GFRA2: variants seen among roughly 807,000 people sequenced by gnomAD.
The protein encoded by GFRA2 is GDNF family receptor alpha 2, also known as GDNF family receptor alpha-2.
A neutral mutation model predicts 48.3 loss-of-function variants in GFRA2; 17 were observed. The observed-to-expected ratio is 0.35, with a 90% CI of 0.24 to 0.53. The LOEUF (loss-of-function observed/expected upper bound fraction) is 0.53, where lower values mean the gene tolerates loss of function less well. GFRA2 is among the 20% of genes least tolerant of loss of function. The pLI is 0.93. For synonymous variants in GFRA2, 305 were observed against 257.2 expected (o/e 1.19, Z -1.78); for missense variants, 660 against 637.3 (o/e 1.04, Z -0.38).
upstream of GFRA2, among the ~76,000 whole-genome samples, chr8:21,793,286 T>A (rs1807609998): frequency 6.6e-6 from 1 of 152,124 alleles, no homozygotes; most frequent in Admixed American, 6.5e-5. Context: ...ATCTGATGAC[T>A]GTGTGAGGGA....
intron 3 of GFRA2, among the ~76,000 whole-genome samples, chr8:21,761,747 C>T (rs1268476534): frequency 6.6e-6 from 1 of 152,050 alleles, no homozygotes; most frequent in South Asian, 2.1e-4. Flanking sequence ...GCCAGGAGTT[C>T]GAGACCAGCC....
intron 4 of GFRA2, among the ~76,000 whole-genome samples, chr8:21,737,817 C>T (rs1338230815): frequency 6.6e-6 from 1 of 152,180 alleles, no homozygotes; most frequent in Non-Finnish European, 1.5e-5. Flanking sequence ...TTAATCCTTA[C>T]AACACCTAAT....
At chr8:21,696,318 G>A (rs927598733) in intron 7 of GFRA2, among the ~76,000 whole-genome samples, 1 of 151,024 alleles carries the variant, frequency 6.6e-6, no homozygotes, top group African/African-American at 2.4e-5. Context: ...CACCATAACA[G>A]CTCCATTTTT....
At chr8:21,714,464 G>C (rs28607545) in intron 4 of GFRA2, among the ~76,000 whole-genome samples, 7,419 of 151,418 alleles carry the variant, frequency 0.049, 609 homozygotes, top group African/African-American at 0.17. Flanking sequence ...GTTGCCCAGG[G>C]GGTCTCAAAC....
At chr8:21,711,243 C>G (rs184669464) in intron 4 of GFRA2, among the ~76,000 whole-genome samples, 24 of 152,336 alleles carry the variant, frequency 1.6e-4, no homozygotes, top group Admixed American at 1.5e-3. Flanking sequence ...TCAGCCCTAT[C>G]ACTTTGCAGT....
intron 4 of GFRA2, among the ~76,000 whole-genome samples, chr8:21,726,642 T>G (rs751743165): frequency 6.6e-6 from 1 of 152,110 alleles, no homozygotes; most frequent in Non-Finnish European, 1.5e-5. Context: ...ACCATCTTCT[T>G]CCTTGTGTCT....
intron 3 of GFRA2, among the ~76,000 whole-genome samples, chr8:21,763,795 A>G (rs897439293): frequency 6.7e-6 from 1 of 148,452 alleles, no homozygotes; most frequent in Admixed American, 6.7e-5. Flanking sequence ...ATTCCTCCCT[A>G]CCCAGCCTAC....
At chr8:21,715,799 A>G (rs1803302601) in intron 4 of GFRA2, among the ~76,000 whole-genome samples, 1 of 152,230 alleles carries the variant, frequency 6.6e-6, no homozygotes, top group African/African-American at 2.4e-5. Context: ...GTGAACCACA[A>G]TTCTAGCCTC....
intron 2 of GFRA2, among the ~76,000 whole-genome samples, chr8:21,794,204 T>TA (rs1430880248): frequency 7.0e-6 from 1 of 143,876 alleles, no homozygotes; most frequent in African/African-American, 2.5e-5. Flanking sequence ...TTTTTTATTC[T>TA]AAAAAAATTA....
chr8:21,769,235 G>GGCCTCAGCCCC (rs1806325049), intron 3 of GFRA2: 1 of 940,084 alleles, frequency 1.1e-6, no homozygotes, highest in Non-Finnish European at 1.3e-6. Flanking sequence ...TCCGAAGTCT[G>GGCCTCAGCCCC]GCCCCAGCCC....
chr8:21,725,952 T>C (rs1008667476), intron 4 of GFRA2, among the ~76,000 whole-genome samples: 1 of 152,224 alleles, frequency 6.6e-6, no homozygotes, highest in Non-Finnish European at 1.5e-5. Flanking sequence ...AGCTGCCTGA[T>C]CTTGAACGCT....
At chr8:21,720,498 C>A (rs552068701) in intron 4 of GFRA2, among the ~76,000 whole-genome samples, 2 of 152,288 alleles carry the variant, frequency 1.3e-5, no homozygotes, top group East Asian at 3.9e-4. Flanking sequence ...GTCTAAGTCC[C>A]TGAAGGAGAA....
At chr8:21,728,606 G>C (rs538262533) in intron 4 of GFRA2, among the ~76,000 whole-genome samples, 1 of 152,214 alleles carries the variant, frequency 6.6e-6, no homozygotes, top group Admixed American at 6.5e-5. Flanking sequence ...CACCATGATG[G>C]ATGGAGATGT....
upstream of GFRA2, among the ~76,000 whole-genome samples, chr8:21,791,802 T>TA (rs1807578480): frequency 6.6e-6 from 1 of 152,134 alleles, no homozygotes; most frequent in African/African-American, 2.4e-5. Flanking sequence ...CAATAAAACC[T>TA]AAGGGGCAAA....
chr8:21,782,888 G>C lies in GFRA2; in HGVS notation c.52C>G (p.Arg18Gly), dbSNP rs375569260. The change falls in exon 2 of 9, where the codon CGC (arginine) becomes GGC (glycine). Residue 18 changes from arginine (R) to glycine (G), a missense_variant. Physicochemically the swap from Arg to Gly is moderately radical, Grantham distance 125 (BLOSUM62 -2). Coordinates refer to ENST00000524240, the MANE Select transcript of GFRA2 (RefSeq NM_001495.5). The stretch of plus-strand genomic sequence containing the variant: ...AGGGAGGAAGGGCTGGCCAAAGAGC[G>C]GAGGGTCTCGTCTGGGTGGTGGGGA... ...CLFFFLDETLRSLASPSSLQG... is the reference protein window; with the variant it reads ...CLFFFLDETLGSLASPSSLQG... 1.3e-6 allele frequency: 2 copies of C among 1,556,650 alleles called. No homozygotes were observed. Among genetic ancestry groups the C allele is most frequent in the East Asian group, 2.3e-5 (1 of 42,566 alleles).
At chr8:21,694,308 A>C (rs1802047501) in intron 8 of GFRA2, among the ~76,000 whole-genome samples, 156 bp downstream of exon 8, 1 of 150,760 alleles carries the variant, frequency 6.6e-6, no homozygotes, top group Admixed American at 6.6e-5. Context: ...CCCCCACCCC[A>C]CCCCAGCAGA....
intron 3 of GFRA2, 45 bp downstream of exon 3, chr8:21,774,927 G>C: frequency 9.5e-7 from 1 of 1,048,326 alleles, no homozygotes; most frequent in Non-Finnish European, 1.5e-6. Flanking sequence ...CCATGCCACA[G>C]GGACGAGAGG....
chr8:21,740,629 C>A (rs529342632), intron 4 of GFRA2, among the ~76,000 whole-genome samples: 2 of 152,348 alleles, frequency 1.3e-5, no homozygotes, highest in South Asian at 4.1e-4. Context: ...AGTGCCTCCT[C>A]TCCACCCAGA....
chr8:21,807,253 A>G lies in GFRA2; in HGVS notation c.-147-2125T>C, dbSNP rs576782195. Among the ~76,000 whole-genome samples the G allele has an allele frequency of 2.0e-5, 3 of 152,286 alleles. No homozygotes were observed. In the South Asian group the frequency reaches 6.2e-4, roughly 32 times the overall value. On this transcript the variant is annotated intron_variant, in intron 1 of 10. Coordinates refer to the GFRA2 transcript ENST00000517328. ...GAGACAGTGGGCTCATTACTGCAAC[A>G]GTGGGTTTGTTACATAAGTAAGTTC...
Sources: gnomAD v4.1 joint callset for allele counts (sites outside exome capture counted in the v4.1 genomes callset) on GRCh38, gnomAD v4.1.1 for gene constraint, MANE v1.5 for transcripts, NCBI Gene and HGNC (gene_info 2026-07-23, HGNC 2026-07-21) for gene names.